Variants in KLHL1 observed in about 807,000 individuals in gnomAD.
KLHL1 encodes kelch like family member 1.
A neutral mutation model predicts 77.7 loss-of-function variants in KLHL1; 47 were observed. The ratio of observed to expected loss-of-function variants is 0.60; its 90% CI spans 0.48 to 0.77. The LOEUF is 0.77. Ranked by LOEUF, KLHL1 falls within the 30% of genes least tolerant of loss-of-function variation. The pLI is 0.00. For synonymous variants in KLHL1, 360 were observed against 325.2 expected (o/e 1.11, Z -1.15); for missense variants, 925 against 910.8 (o/e 1.02, Z -0.20).
chr13:69,962,045 TTTTTA>T (rs1478754619), intron 2 of KLHL1, among the ~76,000 whole-genome samples: 2 of 151,862 alleles, frequency 1.3e-5, no homozygotes, highest in Non-Finnish European at 2.9e-5. Context: ...ATGCATTAAT[TTTTTA>T]TTTTATTTGG....
chr13:69,732,622 A>G (rs1382933133), intron 8 of KLHL1, among the ~76,000 whole-genome samples: 2 of 148,672 alleles, frequency 1.3e-5, no homozygotes, highest in African/African-American at 2.5e-5. Context: ...ACTAGAGGAG[A>G]GTAAAGGGTC....
intron 1 of KLHL1, among the ~76,000 whole-genome samples, chr13:70,023,590 G>A (rs982755606): frequency 1.3e-5 from 2 of 151,702 alleles, no homozygotes; most frequent in African/African-American, 2.4e-5. Context: ...TCGATTTTTT[G>A]TTGTATCTGT....
At chr13:69,854,647 G>A (rs988164966) in intron 5 of KLHL1, among the ~76,000 whole-genome samples, 19 of 152,030 alleles carry the variant, frequency 1.2e-4, no homozygotes, top group African/African-American at 4.6e-4. Context: ...AATGTTATTA[G>A]TTTCTCTGAA....
chr13:69,759,052 T>C (rs1339881813), intron 7 of KLHL1, among the ~76,000 whole-genome samples: 1 of 152,010 alleles, frequency 6.6e-6, no homozygotes, highest in East Asian at 1.9e-4. Context: ...ATGTCCAGAA[T>C]TTACATACCA....
chr13:69,941,862 G>C (rs1883375073), intron 3 of KLHL1, among the ~76,000 whole-genome samples: 1 of 151,776 alleles, frequency 6.6e-6, no homozygotes, highest in Non-Finnish European at 1.5e-5. Context: ...AGAAAATCTA[G>C]AGATGATGAA....
intron 1 of KLHL1, among the ~76,000 whole-genome samples, chr13:70,086,254 A>G (rs1887533891): frequency 6.6e-6 from 1 of 150,474 alleles, no homozygotes; most frequent in Non-Finnish European, 1.5e-5. Flanking sequence ...TCTCAGCCCC[A>G]GAAATGAAGG....
chr13:69,901,114 A>C (rs1881839270), intron 4 of KLHL1, among the ~76,000 whole-genome samples: 1 of 152,248 alleles, frequency 6.6e-6, no homozygotes. Context: ...TGTACATGCA[A>C]ATAGATAGAA....
At chr13:69,947,657 A>G (rs976836968) in intron 3 of KLHL1, among the ~76,000 whole-genome samples, 2 of 152,100 alleles carry the variant, frequency 1.3e-5, no homozygotes, top group African/African-American at 2.4e-5. Flanking sequence ...TGTTTTTCTC[A>G]AAGAGTTTTA....
At chr13:70,081,738 G>A (rs1034004768) in intron 1 of KLHL1, among the ~76,000 whole-genome samples, 2 of 152,170 alleles carry the variant, frequency 1.3e-5, no homozygotes, top group African/African-American at 2.4e-5. Flanking sequence ...TACCTGGATC[G>A]TGGCCTAGTG....
At chr13:69,788,280 G>A (rs974606604) in intron 7 of KLHL1, among the ~76,000 whole-genome samples, 6 of 152,228 alleles carry the variant, frequency 3.9e-5, no homozygotes, top group Admixed American at 3.3e-4. Context: ...ATCAATGATA[G>A]ACTGGATTAA....
chr13:70,066,500 A>C (rs996008492), intron 1 of KLHL1, among the ~76,000 whole-genome samples: 2 of 152,192 alleles, frequency 1.3e-5, no homozygotes, highest in Non-Finnish European at 2.9e-5. Flanking sequence ...CAGAGAAATG[A>C]GCAGAATTCC....
chr13:69,782,885 G>A (rs138158288), intron 7 of KLHL1, among the ~76,000 whole-genome samples: 16,201 of 152,194 alleles, frequency 0.11, 972 homozygotes, highest in African/African-American at 0.16. Context: ...CCTGACCCCC[G>A]AGCAGCCTAA....
intron 9 of KLHL1, among the ~76,000 whole-genome samples, chr13:69,709,533 C>T (rs995775438): frequency 2.0e-5 from 3 of 151,896 alleles, no homozygotes; most frequent in East Asian, 1.9e-4. Context: ...TTCAAACAGA[C>T]CAACTGTTAA....
chr13:69,898,732 T>A (rs1280091946), intron 4 of KLHL1, among the ~76,000 whole-genome samples: 2 of 152,218 alleles, frequency 1.3e-5, no homozygotes, highest in African/African-American at 4.8e-5. Flanking sequence ...CCTATCCAAC[T>A]AATAATACCT....
Position 70,107,193 on chromosome 13 carries a change from C to A in KLHL1, c.497+10G>T. ...GAGATGCTTGGAAGCCCCGTGGGGACTTACTGTACCTGTGTCCACATCCTT... is the reference window on the plus strand; with the variant it reads ...GAGATGCTTGGAAGCCCCGTGGGGAATTACTGTACCTGTGTCCACATCCTT... On this transcript the variant is annotated intron_variant, in intron 1 of 10. Coordinates refer to ENST00000377844, the MANE Select transcript of KLHL1 (RefSeq NM_020866.3). The A allele has an allele frequency of 6.3e-7, 1 of 1,583,432 alleles. No individual in the cohort carries two copies. The highest frequency in any genetic ancestry group is 1.3e-5 in the African/African-American group (1 of 74,184).
chr13:70,012,207 T>G (rs932579404), intron 1 of KLHL1, among the ~76,000 whole-genome samples: 1 of 152,132 alleles, frequency 6.6e-6, no homozygotes, highest in African/African-American at 2.4e-5. Flanking sequence ...CACAGCATTC[T>G]TCAACTTTCT....
intron 1 of KLHL1, among the ~76,000 whole-genome samples, chr13:69,996,236 G>A (rs1885149196): frequency 6.6e-6 from 1 of 152,036 alleles, no homozygotes; most frequent in African/African-American, 2.4e-5. Flanking sequence ...CAGGTTGTCA[G>A]AGGTTGCAGT....
rs192197396 is a variant in KLHL1 at position 69,810,387 on chromosome 13, T to C, written c.1415-13425A>G. ...AAAACAGACATAAACACTGGGAAAG[T>C]TCTCAAACCATACGAATACATGTAT... On this transcript the variant is annotated intron_variant, in intron 6 of 10. Coordinates refer to ENST00000377844, the MANE Select transcript of KLHL1 (RefSeq NM_020866.3). Among the ~76,000 whole-genome samples, 66 of 152,058 alleles carry C rather than the reference T, an allele frequency of 4.3e-4. No individual in the cohort carries two copies. The South Asian group carries it at 6.4e-3, about 15-fold the overall frequency.
chr13:70,037,823 T>C (rs905341057), intron 1 of KLHL1, among the ~76,000 whole-genome samples: 2 of 152,190 alleles, frequency 1.3e-5, no homozygotes, highest in Non-Finnish European at 2.9e-5. Flanking sequence ...CTTAAAGTTA[T>C]ATGTTGAGGG....
Sources: allele counts gnomAD v4.1 joint callset (sites outside exome capture counted in the v4.1 genomes callset), GRCh38; gene constraint gnomAD v4.1.1; transcripts MANE v1.5; gene names NCBI Gene and HGNC (gene_info 2026-07-23, HGNC 2026-07-21).